INPP5A: variants seen among roughly 807,000 people sequenced by gnomAD.
The protein encoded by INPP5A is 43 kDa inositol polyphosphate 5-phophatase.
A neutral mutation model predicts 65.2 loss-of-function variants in INPP5A; 14 were observed. The observed-to-expected ratio is 0.21, with a 90% confidence interval of 0.14 to 0.34. INPP5A has a LOEUF of 0.34. Ranked by LOEUF, INPP5A falls within the 10% of genes least tolerant of loss-of-function variation. INPP5A has a pLI of 1.00. For synonymous variants in INPP5A, 207 were observed against 208.3 expected, an observed-to-expected ratio of 0.99 and a Z score of 0.05; for missense variants, 431 against 545.6, an observed-to-expected ratio of 0.79 and a Z score of 2.09.
intron 9 of INPP5A, 47 bp from the exon 10 acceptor site, chr10:132,749,470 G>T: frequency 1.3e-6 from 2 of 1,537,192 alleles, no homozygotes; most frequent in Non-Finnish European, 1.8e-6. Flanking sequence ...GCTGCCATGG[G>T]CAGGTGGGCC....
At chr10:132,748,649 C>T (rs567231317) in intron 9 of INPP5A, among the ~76,000 whole-genome samples, 5 of 152,358 alleles carry the variant, frequency 3.3e-5, no homozygotes, top group East Asian at 3.9e-4. Context: ...TAATCCTTCG[C>T]GGTGATCTGT....
chr10:132,626,574 G>T (rs1019273170), intron 2 of INPP5A, among the ~76,000 whole-genome samples: 3 of 152,210 alleles, frequency 2.0e-5, no homozygotes, highest in Non-Finnish European at 4.4e-5. Context: ...GTTCAAGATC[G>T]CAGACTGTGC....
intron 12 of INPP5A, among the ~76,000 whole-genome samples, chr10:132,772,626 A>G (rs1457333791): frequency 1.6e-4 from 18 of 113,166 alleles, no homozygotes; most frequent in African/African-American, 5.7e-4. Flanking sequence ...CAGCCACCCC[A>G]CGAAGAGTGG....
chr10:132,684,744 C>T (rs1156934585), intron 4 of INPP5A, among the ~76,000 whole-genome samples: 1 of 152,248 alleles, frequency 6.6e-6, no homozygotes, highest in Non-Finnish European at 1.5e-5. Flanking sequence ...CTTGGCCTCT[C>T]CGTGATGTCC....
At chr10:132,750,021 C>T (rs1421561598) in intron 11 of INPP5A, among the ~76,000 whole-genome samples, 176 bp downstream of exon 11, 1 of 152,208 alleles carries the variant, frequency 6.6e-6, no homozygotes, top group Non-Finnish European at 1.5e-5. Context: ...GCGTCCGGCA[C>T]CCCGGGCCAG....
chr10:132,635,399 T>C (rs1203584978), intron 2 of INPP5A, among the ~76,000 whole-genome samples: 4 of 104,688 alleles, frequency 3.8e-5, no homozygotes, highest in Non-Finnish European at 7.8e-5. Flanking sequence ...TTTTTTTTTT[T>C]TTTTTTTTTT....
At chr10:132,630,866 C>T (rs551479556) in intron 2 of INPP5A, among the ~76,000 whole-genome samples, 6 of 152,294 alleles carry the variant, frequency 3.9e-5, no homozygotes, top group African/African-American at 4.8e-5. Flanking sequence ...GGCCCAAGCC[C>T]GGACTTTGTT....
intron 12 of INPP5A, among the ~76,000 whole-genome samples, chr10:132,770,756 G>A (rs924121500): frequency 1.2e-4 from 18 of 152,346 alleles, no homozygotes; most frequent in African/African-American, 3.4e-4. Context: ...CCCATGCACG[G>A]GGAGGTCTCC....
intron 9 of INPP5A, among the ~76,000 whole-genome samples, chr10:132,733,017 C>T (rs1424835519): frequency 1.3e-5 from 2 of 152,286 alleles, no homozygotes; most frequent in African/African-American, 2.4e-5. Flanking sequence ...GGTGTCCTAG[C>T]GCCACGCTGC....
At chr10:132,725,368 C>T (rs950743081) in intron 8 of INPP5A, among the ~76,000 whole-genome samples, 3 of 152,228 alleles carry the variant, frequency 2.0e-5, no homozygotes, top group Non-Finnish European at 4.4e-5. Context: ...GGTCCACAGC[C>T]ATTGGTGGCC....
chr10:132,729,272 ATCT>A (rs1846040333), intron 9 of INPP5A, among the ~76,000 whole-genome samples: 1 of 152,190 alleles, frequency 6.6e-6, no homozygotes, highest in African/African-American at 2.4e-5. Context: ...AGTCTGCCAC[ATCT>A]TCTCCTGCAT....
chr10:132,632,369 G>A (rs2072287349), intron 2 of INPP5A, among the ~76,000 whole-genome samples: 1 of 152,244 alleles, frequency 6.6e-6, no homozygotes, highest in African/African-American at 2.4e-5. Flanking sequence ...TCTGGCACGG[G>A]CCAACGCCTG....
intron 9 of INPP5A, among the ~76,000 whole-genome samples, chr10:132,731,199 CAGAGAA>C (rs1846078576): frequency 6.6e-6 from 1 of 152,208 alleles, no homozygotes; most frequent in African/African-American, 2.4e-5. Flanking sequence ...GGTGAGAGGT[CAGAGAA>C]CAGAGAAGGC....
In INPP5A at chr10:132,697,661, G is replaced by A. The variant is rs966269845; in HGVS notation, c.371-155G>A. 6.6e-6 allele frequency among the ~76,000 whole-genome samples: 1 copy of A among 152,100 alleles called. No homozygotes were observed. The highest frequency in any genetic ancestry group is 6.5e-5 in the Admixed American group (1 of 15,280). On this transcript the variant is annotated intron_variant, in intron 5 of 15. Coordinates refer to ENST00000368594, the MANE Select transcript of INPP5A (RefSeq NM_005539.5). The surrounding 1 kb of genome is among the most constrained non-coding windows in gnomAD (Gnocchi z 5.6). Reference sequence around the variant, plus strand: ...GCATGGAGTAGCCGGCCCGCTGGGGGTCTGTTCTGGGTCGGACCCCTCATC... The same window carrying A: ...GCATGGAGTAGCCGGCCCGCTGGGGATCTGTTCTGGGTCGGACCCCTCATC...
intron 1 of INPP5A, among the ~76,000 whole-genome samples, chr10:132,563,518 G>A (rs1373623029): frequency 6.6e-6 from 1 of 152,122 alleles, no homozygotes; most frequent in African/African-American, 2.4e-5. Context: ...ATGTATACAG[G>A]GTAGGAAAAG....
At chr10:132,742,896 T>C (rs1846299769) in intron 9 of INPP5A, among the ~76,000 whole-genome samples, 1 of 152,252 alleles carries the variant, frequency 6.6e-6, no homozygotes, top group African/African-American at 2.4e-5. Context: ...ACCATTTCTT[T>C]TAGAAGAGTT....
chr10:132,710,274 G>T, intron 7 of INPP5A, 63 bp from the exon 8 acceptor site: 1 of 1,577,942 alleles, frequency 6.3e-7, no homozygotes, highest in Non-Finnish European at 8.6e-7. Flanking sequence ...CTCCTTGGGA[G>T]AACGAAGTGT....
At chr10:132,635,683 T>C (rs934668408) in intron 2 of INPP5A, among the ~76,000 whole-genome samples, 4 of 151,912 alleles carry the variant, frequency 2.6e-5, no homozygotes, top group Non-Finnish European at 5.9e-5. Flanking sequence ...GCATGAGCCA[T>C]TGCGCCCGGC....
At position 132,777,768 on chromosome 10, in the gene INPP5A, G is replaced by T; in HGVS notation, c.1075G>T (p.Glu359Ter). The T allele has an allele frequency of 6.2e-7, 1 of 1,613,092 alleles. No homozygotes were observed. The highest frequency in any genetic ancestry group is 8.5e-7 in the Non-Finnish European group (1 of 1,179,966). ...CATCCTCATGTCCCCGTCTGCCAAG[G>T]AGCTGGTGCTGCGGGTGAGTGTGTG... ...DRILMSPSAK[E>*]LVLRSESEEK... Residue 359 changes from glutamate to a stop codon, truncating the protein, a stop_gained, in exon 13 of 16, where the codon GAG becomes TAG. Coordinates refer to ENST00000368594, the MANE Select transcript of INPP5A (RefSeq NM_005539.5). LOFTEE classifies it high-confidence loss of function.
Sources: allele counts gnomAD v4.1 joint callset (sites outside exome capture counted in the v4.1 genomes callset), GRCh38; gene constraint gnomAD v4.1.1; non-coding constraint Gnocchi (gnomAD v3.1); transcripts MANE v1.5; gene names NCBI Gene and HGNC (gene_info 2026-07-23, HGNC 2026-07-21).